Variants in DDX10 observed in about 807,000 individuals in gnomAD.
DDX10 encodes DEAD-box helicase 10, also known as probable ATP-dependent RNA helicase DDX10.
DDX10 carries 74 observed loss-of-function variants against 104.3 expected under a neutral mutation model. The observed-to-expected ratio is 0.71, with a 90% CI of 0.59 to 0.86. The LOEUF is 0.86. Ranked by LOEUF, DDX10 falls within the 40% of genes least tolerant of loss-of-function variation. The probability of loss-of-function intolerance (pLI) is 0.00; values close to 1 mark genes in which losing one functional copy is unlikely to be tolerated. For missense variants in DDX10, 952 were observed against 1,040.0 expected (o/e 0.92, Z 1.16); for synonymous variants, 351 against 353.4 (o/e 0.99, Z 0.08).
intron 16 of DDX10, among the ~76,000 whole-genome samples, chr11:108,866,518 T>G (rs1863009723): frequency 6.6e-6 from 1 of 152,098 alleles, no homozygotes; most frequent in South Asian, 2.1e-4. Flanking sequence ...ATTCAAGAAG[T>G]ATACCTGTAA....
At chr11:108,741,917 A>C (rs1438396342) in intron 13 of DDX10, among the ~76,000 whole-genome samples, 2 of 152,156 alleles carry the variant, frequency 1.3e-5, no homozygotes, top group South Asian at 2.1e-4. Context: ...TAGAAGAAGA[A>C]GACAAAAAGT....
chr11:108,895,906 A>G (rs141101041), intron 16 of DDX10, among the ~76,000 whole-genome samples: 27 of 152,218 alleles, frequency 1.8e-4, no homozygotes, highest in African/African-American at 5.8e-4. Context: ...TTGTGGTGAT[A>G]GTTTGTGATT....
At chr11:108,717,200 T>C (rs2094292610) in intron 11 of DDX10, among the ~76,000 whole-genome samples, 1 of 152,178 alleles carries the variant, frequency 6.6e-6, no homozygotes, top group South Asian at 2.1e-4. Context: ...AGAAGAGTTA[T>C]AGAAAGGTCA....
At chr11:108,905,319 G>GA (rs71050896) in intron 16 of DDX10, among the ~76,000 whole-genome samples, 3 of 148,258 alleles carry the variant, frequency 2.0e-5, no homozygotes, top group Admixed American at 6.7e-5. Flanking sequence ...TTAAGGGGGG[G>GA]GGGGGTTGAA....
At chr11:108,676,944 A>G in intron 3 of DDX10, 141 bp from the exon 4 acceptor site, 2 of 675,428 alleles carry the variant, frequency 3.0e-6, no homozygotes, top group African/African-American at 1.8e-5. Flanking sequence ...AAACAAAATC[A>G]TTTACTTTGG....
At chr11:108,900,112 C>CAA (rs111587278) in intron 16 of DDX10, among the ~76,000 whole-genome samples, 1,709 of 142,410 alleles carry the variant, frequency 0.012, 31 homozygotes, top group African/African-American at 0.039. Flanking sequence ...AACTCTGTCT[C>CAA]AAAAAAAAAA....
At chr11:108,785,776 T>G (rs1011954568) in intron 13 of DDX10, among the ~76,000 whole-genome samples, 2 of 152,204 alleles carry the variant, frequency 1.3e-5, no homozygotes, top group South Asian at 4.1e-4. Flanking sequence ...TTGTAATATC[T>G]TTGTCACTTC....
intron 13 of DDX10, among the ~76,000 whole-genome samples, chr11:108,810,788 G>A (rs555110567): frequency 1.2e-4 from 19 of 152,202 alleles, no homozygotes; most frequent in South Asian, 6.2e-4. Context: ...CAGAAAACTC[G>A]TTGAACATAA....
chr11:108,792,467 T>C (rs933169036), intron 13 of DDX10, among the ~76,000 whole-genome samples: 2 of 152,232 alleles, frequency 1.3e-5, no homozygotes, highest in African/African-American at 2.4e-5. Context: ...AGTTCATTTG[T>C]TTGTAAAATA....
chr11:108,917,003 G>A (rs1661797583), intron 16 of DDX10, among the ~76,000 whole-genome samples: 1 of 151,632 alleles, frequency 6.6e-6, no homozygotes, highest in Non-Finnish European at 1.5e-5. Flanking sequence ...TAGTGACTCT[G>A]CACTTGCATT....
chr11:108,883,218 G>C (rs763842732), intron 16 of DDX10, among the ~76,000 whole-genome samples: 1 of 152,104 alleles, frequency 6.6e-6, no homozygotes, highest in Non-Finnish European at 1.5e-5. Context: ...ATATTCAGTA[G>C]ACCATATTAC....
Position 108,940,255 on chromosome 11 carries a change from G to A in DDX10, c.2460G>A (p.Lys820=). 3 of 1,613,782 alleles carry A rather than the reference G, an allele frequency of 1.9e-6. No individual in the cohort carries two copies. The highest frequency in any genetic ancestry group is 2.2e-5 in the South Asian group (2 of 91,020). The change falls in exon 18 of 18, where the codon AAG becomes AAA. Residue 820 remains lysine (K), a synonymous_variant. Coordinates refer to ENST00000322536, the MANE Select transcript of DDX10 (RefSeq NM_004398.4). ...EDMENKISDT[K]KKQGMKKRSN... is the part of the protein sequence containing the mutation. ...GATTTCTTCTCACCAGTGATACCAA[G>A]AAGAAGCAGGGGATGAAGAAGAGGA... is the stretch of plus-strand genomic sequence containing the variant.
intron 17 of DDX10, among the ~76,000 whole-genome samples, chr11:108,936,786 G>A (rs902071270): frequency 6.6e-6 from 1 of 152,050 alleles, no homozygotes; most frequent in Non-Finnish European, 1.5e-5. Flanking sequence ...CTAAATCTTT[G>A]TCTAAATCTC....
At chr11:108,745,167 T>C (rs2094330182) in intron 13 of DDX10, among the ~76,000 whole-genome samples, 1 of 66,536 alleles carries the variant, frequency 1.5e-5, no homozygotes, top group Non-Finnish European at 3.3e-5. Context: ...CTTTCTTCCC[T>C]TCCTCCCTCC....
intron 13 of DDX10, among the ~76,000 whole-genome samples, chr11:108,796,215 T>C (rs1174338788): frequency 6.6e-6 from 1 of 152,240 alleles, no homozygotes; most frequent in Non-Finnish European, 1.5e-5. Context: ...GTTGTCTTTC[T>C]TCCTGATTCA....
chr11:108,812,669 A>G (rs929178233), intron 13 of DDX10, among the ~76,000 whole-genome samples: 3 of 152,128 alleles, frequency 2.0e-5, no homozygotes, highest in Non-Finnish European at 4.4e-5. Context: ...CTGAAATTGT[A>G]ATAATAAAAA....
intron 6 of DDX10, among the ~76,000 whole-genome samples, chr11:108,683,892 G>C (rs569000934): frequency 6.6e-6 from 1 of 152,038 alleles, no homozygotes; most frequent in African/African-American, 2.4e-5. Flanking sequence ...GGTGGAGGTT[G>C]TGTGTACTAA....
At position 108,689,063 on chromosome 11, in the gene DDX10, G is replaced by A; in HGVS notation, c.975+1G>A. On this transcript the variant is annotated splice_donor_variant, in intron 7 of 17. Transcript: ENST00000322536. LOFTEE classifies it high-confidence loss of function. ...TGTATTTTTTTCCAGTTGCAAAGAG[G>A]TATTGGCTGTTTATTTTGCTTTCTG... is the stretch of plus-strand genomic sequence containing the variant. 1 of 1,613,236 alleles carries A rather than the reference G, an allele frequency of 6.2e-7. No homozygotes were observed. The highest frequency in any genetic ancestry group is 8.5e-7 in the Non-Finnish European group (1 of 1,179,680).
intron 13 of DDX10, among the ~76,000 whole-genome samples, chr11:108,744,127 A>G (rs1185075562): frequency 6.6e-6 from 1 of 152,198 alleles, no homozygotes; most frequent in Non-Finnish European, 1.5e-5. Context: ...ACTCATTTAT[A>G]CTTATATTCC....
Sources: allele counts gnomAD v4.1 joint callset (sites outside exome capture counted in the v4.1 genomes callset), GRCh38; gene constraint gnomAD v4.1.1; transcripts MANE v1.5; gene names NCBI Gene and HGNC (gene_info 2026-07-23, HGNC 2026-07-21).